The following PDE4D variants were observed in gnomAD, a reference collection of about 807,000 sequenced individuals.
PDE4D encodes phosphodiesterase 4D.
PDE4D carries 24 observed loss-of-function variants against 87.4 expected under a neutral mutation model. The observed-to-expected ratio is 0.27, with a 90% confidence interval of 0.20 to 0.39. The LOEUF (loss-of-function observed/expected upper bound fraction) is 0.39, where lower values mean the gene tolerates loss of function less well. Among genes scored for constraint, PDE4D ranks in the 10% least tolerant of loss-of-function variants. The probability of loss-of-function intolerance (pLI) is 1.00; values close to 1 mark genes in which losing one functional copy is unlikely to be tolerated. For synonymous variants in PDE4D, 384 were observed against 383.2 expected (o/e 1.00, Z -0.02); for missense variants, 714 against 1,041.0 (o/e 0.69, Z 4.32).
At chr5:60,008,406 C>T (rs992081001) in intron 2 of PDE4D, among the ~76,000 whole-genome samples, 2 of 151,964 alleles carry the variant, frequency 1.3e-5, no homozygotes, top group Non-Finnish European at 2.9e-5. Flanking sequence ...AAACATCTGC[C>T]GCAAATTCAA....
At chr5:59,673,749 T>C (rs1470651710) in intron 1 of PDE4D, among the ~76,000 whole-genome samples, 3 of 152,206 alleles carry the variant, frequency 2.0e-5, no homozygotes, top group African/African-American at 4.8e-5. Flanking sequence ...AGAATAAAAA[T>C]TCCTAGAAAC....
intron 6 of PDE4D, among the ~76,000 whole-genome samples, chr5:58,993,913 C>T (rs887936511): frequency 6.6e-6 from 1 of 152,058 alleles, no homozygotes; most frequent in African/African-American, 2.4e-5. Flanking sequence ...ATTTATAGCA[C>T]ATAAAAGTGT....
Position 58,975,482 on chromosome 5 carries a change from T to TGTAA in PDE4D, c.2013+171_2013+174dup, listed in dbSNP as rs1241523802. ...TAGAATATATATATGACTATATGAA[T>TGTAA]GTAAGTCATAAGAATGAAAGTTCTT... On this transcript the variant is annotated intron_variant, in intron 14 of 14. Coordinates refer to ENST00000340635, the MANE Select transcript of PDE4D (RefSeq NM_001104631.2). This position sits in a 1 kb window ranked among gnomAD's most constrained non-coding sequence, Gnocchi z 4.2. Among the ~76,000 whole-genome samples, 2 of 152,184 alleles carry TGTAA rather than the reference T, an allele frequency of 1.3e-5. No individual in the cohort carries two copies. The highest frequency in any genetic ancestry group is 4.8e-5 in the African/African-American group (2 of 41,452).
At chr5:60,268,673 T>C (rs1364398377) in intron 1 of PDE4D, among the ~76,000 whole-genome samples, 1 of 152,228 alleles carries the variant, frequency 6.6e-6, no homozygotes, top group East Asian at 1.9e-4. Flanking sequence ...AATGAGAGCA[T>C]TGTGCTTACT....
At chr5:59,544,279 G>A (rs1163666197) in intron 1 of PDE4D, among the ~76,000 whole-genome samples, 5 of 152,200 alleles carry the variant, frequency 3.3e-5, no homozygotes, top group Non-Finnish European at 7.3e-5. Context: ...CCATGCCAGA[G>A]GGCAAAAGTT....
At chr5:59,385,231 C>G (rs1466906085) in intron 1 of PDE4D, among the ~76,000 whole-genome samples, 1 of 152,138 alleles carries the variant, frequency 6.6e-6, no homozygotes, top group East Asian at 1.9e-4. Flanking sequence ...ATTATTGGAT[C>G]TCATGATTTC....
intron 1 of PDE4D, chr5:59,703,680 C>G (rs1752948986): frequency 2.0e-6 from 1 of 512,676 alleles, no homozygotes; most frequent in South Asian, 1.5e-5. Context: ...ACTGGTTGAA[C>G]AACTGTAATC....
At position 60,007,661 on chromosome 5, in the gene PDE4D, T is replaced by C. The variant is rs142763345; in HGVS notation, c.43-18944A>G. Among the ~76,000 whole-genome samples, 7 of 152,154 alleles carry C rather than the reference T, an allele frequency of 4.6e-5. No individual in the cohort carries two copies. The East Asian group carries it at 1.3e-3, about 29-fold the overall frequency. The stretch of plus-strand genomic sequence containing the variant: ...TCACTGTCTGATAGGCTTTCAGGGT[T>C]GGCAGTAACTTTAAATGTCATCTAC... On this transcript the variant is annotated intron_variant, in intron 2 of 16. Transcript: ENST00000502484.
chr5:59,577,516 C>G (rs1263469642), intron 1 of PDE4D, among the ~76,000 whole-genome samples: 1 of 152,036 alleles, frequency 6.6e-6, no homozygotes, highest in Non-Finnish European at 1.5e-5. Context: ...ATTTTTATAG[C>G]ACCTTAGTGA....
chr5:59,895,492 C>A (rs764277104), upstream of PDE4D, among the ~76,000 whole-genome samples: 11 of 152,210 alleles, frequency 7.2e-5, no homozygotes, highest in Admixed American at 6.5e-4. Flanking sequence ...TTTACAAAGG[C>A]ACTCTTTTTG....
chr5:59,812,812 T>G (rs1170593754), intron 1 of PDE4D, among the ~76,000 whole-genome samples: 1 of 152,262 alleles, frequency 6.6e-6, no homozygotes. Flanking sequence ...GCTGATATTA[T>G]TTTGCAATCT....
chr5:59,865,882 A>T (rs1746950561), intron 1 of PDE4D, among the ~76,000 whole-genome samples: 1 of 152,214 alleles, frequency 6.6e-6, no homozygotes, highest in Non-Finnish European at 1.5e-5. Flanking sequence ...AACTATAGTA[A>T]AGTGTGTGGT....
Position 60,150,570 on chromosome 5 carries a change from G to GA in PDE4D, c.42+34986dup, listed in dbSNP as rs1036346463. ...TATGCTCACTGGTCTGATGGTGTCAGAAAAAAAAAATACTTTCGCATGGTA... is the reference window on the plus strand; with the variant it reads ...TATGCTCACTGGTCTGATGGTGTCAGAAAAAAAAAAATACTTTCGCATGGTA... On this transcript the variant is annotated intron_variant, in intron 2 of 16. Transcript: ENST00000502484. Among the ~76,000 whole-genome samples, 437 of 148,788 alleles carry GA rather than the reference G, an allele frequency of 2.9e-3. 4 individuals carry two copies. Among genetic ancestry groups the GA allele is most frequent in the African/African-American group, 9.6e-3 (391 of 40,646 alleles).
chr5:59,304,159 T>C (rs1339526361), intron 1 of PDE4D, among the ~76,000 whole-genome samples: 1 of 152,104 alleles, frequency 6.6e-6, no homozygotes, highest in African/African-American at 2.4e-5. Flanking sequence ...TTACAGCTAT[T>C]GTAAAATGGG....
chr5:59,265,357 C>T (rs567370223), intron 1 of PDE4D, among the ~76,000 whole-genome samples: 2 of 152,004 alleles, frequency 1.3e-5, no homozygotes, highest in Admixed American at 6.6e-5. Flanking sequence ...TTCTTTGACC[C>T]ACCTAGATAG....
chr5:59,690,716 A>G (rs1750762185), intron 1 of PDE4D, among the ~76,000 whole-genome samples: 1 of 152,228 alleles, frequency 6.6e-6, no homozygotes, highest in Non-Finnish European at 1.5e-5. Flanking sequence ...AAAATTGACA[A>G]ATGAGATCTA....
chr5:60,151,891 G>C lies in PDE4D; in HGVS notation c.42+33666C>G, dbSNP rs182926217. Among the ~76,000 whole-genome samples, 14 of 152,206 alleles carry C rather than the reference G, an allele frequency of 9.2e-5. No individual in the cohort carries two copies. In the East Asian group the frequency reaches 2.7e-3, roughly 29 times the overall value. On this transcript the variant is annotated intron_variant, in intron 2 of 16. Coordinates refer to the PDE4D transcript ENST00000502484. ...TAGCTGTAGACTTGTCAAAAATATG[G>C]CCTCTATTATATGTAGGTAAATTCT... is the stretch of plus-strand genomic sequence containing the variant.
intron 2 of PDE4D, among the ~76,000 whole-genome samples, chr5:60,165,392 C>G (rs1782799158): frequency 6.6e-6 from 1 of 152,278 alleles, no homozygotes; most frequent in East Asian, 1.9e-4. Flanking sequence ...ATGCTGATAT[C>G]ACGCTGCTTA....
At chr5:59,304,807 G>A (rs1433135423) in intron 1 of PDE4D, among the ~76,000 whole-genome samples, 3 of 151,996 alleles carry the variant, frequency 2.0e-5, no homozygotes. Flanking sequence ...CTAGTATTTT[G>A]TTAAGGATTT....
Sources: gnomAD v4.1 joint callset for allele counts (sites outside exome capture counted in the v4.1 genomes callset) on GRCh38, gnomAD v4.1.1 for gene constraint, Gnocchi (gnomAD v3.1) non-coding constraint, MANE v1.5 for transcripts, NCBI Gene and HGNC (gene_info 2026-07-23, HGNC 2026-07-21) for gene names.